The following LGMN variants were observed in gnomAD, a reference collection of about 807,000 sequenced individuals.
The protein encoded by LGMN is legumain, also known as asparaginyl endopeptidase.
A neutral mutation model predicts 56.8 loss-of-function variants in LGMN; 36 were observed. That is an observed-to-expected ratio of 0.63 (90% confidence interval 0.49 to 0.84). The LOEUF is 0.84. Ranked by LOEUF, LGMN falls within the 40% of genes least tolerant of loss-of-function variation. LGMN has a pLI of 0.00. For synonymous variants in LGMN, 199 were observed against 210.1 expected, an observed-to-expected ratio of 0.95 and a Z score of 0.46; for missense variants, 446 against 556.1, an observed-to-expected ratio of 0.80 and a Z score of 1.99.
At chr14:92,712,379 T>C (rs928757278) in intron 8 of LGMN, among the ~76,000 whole-genome samples, 2 of 152,208 alleles carry the variant, frequency 1.3e-5, no homozygotes, top group African/African-American at 4.8e-5. Context: ...GGGCTTAGAA[T>C]TGTGCTGGAC....
intron 2 of LGMN, among the ~76,000 whole-genome samples, chr14:92,724,186 T>G (rs1219951281): frequency 6.6e-6 from 1 of 152,208 alleles, no homozygotes; most frequent in Non-Finnish European, 1.5e-5. Flanking sequence ...TCAATAAAGT[T>G]ATATATTTTC....
chr14:92,715,241 CAG>C (rs1358618243), intron 5 of LGMN, among the ~76,000 whole-genome samples: 2 of 136,182 alleles, frequency 1.5e-5, no homozygotes, highest in African/African-American at 2.8e-5. Flanking sequence ...GTGTTTGAGA[CAG>C]AGTCTCACTC....
Position 92,704,080 on chromosome 14 carries a change from A to G in LGMN, c.*239T>C, listed in dbSNP as rs2140193920. The G allele has an allele frequency of 1.4e-6, 1 of 704,142 alleles. No homozygotes were observed. The highest frequency in any genetic ancestry group is 1.5e-5 in the South Asian group (1 of 66,812). The allele number at this position is 704,142 out of a possible 1,614,324, so 43.6% of individuals were successfully genotyped here. ...ACAACAAACCTCCTAGAAAGCAAAT[A>G]TGACCCTTCTCAATACAGAGCTTTT... On this transcript the variant is annotated 3_prime_UTR_variant, in exon 14 of 14. Transcript: ENST00000334869.
chr14:92,734,091 C>CA (rs1194898898), intron 1 of LGMN, among the ~76,000 whole-genome samples: 1 of 152,202 alleles, frequency 6.6e-6, no homozygotes, highest in Non-Finnish European at 1.5e-5. Context: ...GAGCTATAGT[C>CA]AAACATTAAT....
rs138606214 is a variant in LGMN, at chr14:92,748,071, C to T, written c.-30+418G>A. The stretch of plus-strand genomic sequence containing the variant: ...TGTCGTCGTTAATAGCCCTTTCCCA[C>T]GGGTGCAATCCTCCACATTAAGAAC... On this transcript the variant is annotated intron_variant, in intron 1 of 13. Transcript: ENST00000334869. Among the ~76,000 whole-genome samples the T allele has an allele frequency of 6.0e-4, 91 of 152,226 alleles. No homozygotes were observed. The East Asian group carries it at 0.017, about 28-fold the overall frequency.
chr14:92,719,712 T>C (rs1426114615), intron 2 of LGMN, among the ~76,000 whole-genome samples: 6 of 152,264 alleles, frequency 3.9e-5, no homozygotes, highest in Admixed American at 3.9e-4. Context: ...GAAGACAACA[T>C]TATAAATAAG....
intron 2 of LGMN, among the ~76,000 whole-genome samples, chr14:92,730,005 T>C (rs1360769537): frequency 1.3e-5 from 2 of 152,264 alleles, no homozygotes; most frequent in Non-Finnish European, 2.9e-5. Context: ...AAAAGGTTTC[T>C]GGGAGCAAAG....
intron 2 of LGMN, among the ~76,000 whole-genome samples, chr14:92,722,701 T>C (rs1890541295): frequency 6.6e-6 from 1 of 152,130 alleles, no homozygotes; most frequent in Admixed American, 6.5e-5. Context: ...GAGAAAATAT[T>C]TGCAAAACAT....
At chr14:92,719,390 C>G (rs1262471845) in intron 2 of LGMN, among the ~76,000 whole-genome samples, 1 of 150,942 alleles carries the variant, frequency 6.6e-6, no homozygotes, top group Admixed American at 6.6e-5. Flanking sequence ...GCCACCAACA[C>G]CGCCACCAAC....
In LGMN at chr14:92,732,770, G is replaced by C; in HGVS notation, c.17C>G (p.Ala6Gly). ...GCCCAGGGCCACACTGAGGAATACA[G>C]CTACTTTCCAAACCATTCTGCACCT... MVWKV[A>G]VFLSVALGIG... Residue 6 changes from alanine (A) to glycine (G), a missense_variant, in exon 2 of 14, where the codon GCT becomes GGT. Ala to Gly is a moderately conservative substitution (Grantham distance 60). Coordinates refer to ENST00000334869, the MANE Select transcript of LGMN (RefSeq NM_005606.7). 2 of 1,613,928 alleles carry C rather than the reference G, an allele frequency of 1.2e-6. No homozygotes were observed. The highest frequency in any genetic ancestry group is 1.7e-6 in the Non-Finnish European group (2 of 1,179,970).
At chr14:92,740,969 T>A (rs1460924312) in intron 1 of LGMN, 1 of 152,168 alleles carries the variant, frequency 6.6e-6, no homozygotes, top group Non-Finnish European at 1.5e-5. Context: ...GGTTGATCAC[T>A]TGACGCCAGG....
intron 1 of LGMN, among the ~76,000 whole-genome samples, chr14:92,739,031 A>C (rs112990672): frequency 8.6e-4 from 131 of 151,542 alleles, no homozygotes; most frequent in African/African-American, 2.8e-3. Context: ...AAAAAAAAAA[A>C]CAAAAAAAAC....
intron 1 of LGMN, among the ~76,000 whole-genome samples, chr14:92,735,405 C>T (rs1247582091): frequency 1.3e-5 from 2 of 152,142 alleles, no homozygotes; most frequent in Non-Finnish European, 2.9e-5. Flanking sequence ...CAGGGTTTCG[C>T]CATGTTGCCC....
chr14:92,742,702 C>T (rs567577988), intron 1 of LGMN, among the ~76,000 whole-genome samples: 4 of 152,232 alleles, frequency 2.6e-5, no homozygotes, highest in African/African-American at 7.2e-5. Context: ...TTGGGACCAA[C>T]GTGGGCAACA....
intron 10 of LGMN, among the ~76,000 whole-genome samples, chr14:92,710,562 G>A (rs749245482): frequency 3.9e-5 from 6 of 152,220 alleles, no homozygotes; most frequent in Admixed American, 1.3e-4. Flanking sequence ...TGCTGCAAGC[G>A]TTCTCTTCCT....
chr14:92,711,804 C>T (rs1436891635), intron 9 of LGMN, 33 bp downstream of exon 9: 1 of 1,609,208 alleles, frequency 6.2e-7, no homozygotes, highest in Non-Finnish European at 8.5e-7. Context: ...ACGGTTAAAC[C>T]CCAGCTGAAC....
intron 2 of LGMN, among the ~76,000 whole-genome samples, chr14:92,728,379 G>C (rs1325689097): frequency 6.6e-6 from 1 of 152,194 alleles, no homozygotes; most frequent in Non-Finnish European, 1.5e-5. Flanking sequence ...GATAATGTTT[G>C]TTATAACGCT....
Position 92,718,642 on chromosome 14 carries a change from T to TA in LGMN, c.236+104dup, listed in dbSNP as rs1322749731. 9 of 669,638 alleles carry TA rather than the reference T, an allele frequency of 1.3e-5. No individual in the cohort carries two copies. In the Admixed American group the frequency reaches 2.2e-4, roughly 16 times the overall value. The allele number at this position is 669,638 out of a possible 1,614,324, so 41.5% of individuals were successfully genotyped here. On this transcript the variant is annotated intron_variant, in intron 3 of 13. Coordinates refer to ENST00000334869, the MANE Select transcript of LGMN (RefSeq NM_005606.7). Reference sequence around the variant, plus strand: ...TGTGATCTTCTGTCTGGGAGTCTCTTATATATTTTAACATTAGGCCACTAG... The same window carrying TA: ...TGTGATCTTCTGTCTGGGAGTCTCTTAATATATTTTAACATTAGGCCACTAG...
intron 7 of LGMN, 141 bp downstream of exon 7, chr14:92,713,682 G>A: frequency 2.8e-6 from 2 of 702,054 alleles, no homozygotes; most frequent in Non-Finnish European, 2.6e-6. Context: ...CCTCATCCTG[G>A]GAAACCAGGG....
Sources: gnomAD v4.1 joint callset for allele counts (sites outside exome capture counted in the v4.1 genomes callset) on GRCh38, gnomAD v4.1.1 for gene constraint, MANE v1.5 for transcripts, NCBI Gene and HGNC (gene_info 2026-07-23, HGNC 2026-07-21) for gene names.